The following JAK1 variants were observed in gnomAD, a reference collection of about 807,000 sequenced individuals.
JAK1 encodes Janus kinase 1.
JAK1 carries 16 observed loss-of-function variants against 136.6 expected under a neutral mutation model. The ratio of observed to expected loss-of-function variants is 0.12; its 90% CI spans 0.08 to 0.18. The LOEUF is 0.18. JAK1 is among the 10% of genes least tolerant of loss of function. The probability of loss-of-function intolerance (pLI) is 1.00; values close to 1 mark genes in which losing one functional copy is unlikely to be tolerated. For synonymous variants in JAK1, 492 were observed against 519.5 expected, an observed-to-expected ratio of 0.95 and a Z score of 0.72; for missense variants, 859 against 1,450.1, an observed-to-expected ratio of 0.59 and a Z score of 6.62.
In JAK1 at chr1:64,869,457, C is replaced by T. The variant is rs1557650320; in HGVS notation, c.501G>A (p.Val167=). The T allele has an allele frequency of 6.2e-7, 1 of 1,613,998 alleles. No individual in the cohort carries two copies. Among genetic ancestry groups the T allele is most frequent in the Admixed American group, 1.7e-5 (1 of 60,012 alleles). Residue 167 remains valine (V), a synonymous_variant, in exon 6 of 25, where the codon GTG becomes GTA. Transcript: ENST00000342505. ...YLFAQGQYDL[V]KCLAPIRDPK... Reference sequence around the variant, plus strand: ...GGTCTCGAATAGGAGCCAGGCATTTCACCAAATCATACTGTCCCTAGGAGC... The same window carrying T: ...GGTCTCGAATAGGAGCCAGGCATTTTACCAAATCATACTGTCCCTAGGAGC...
At chr1:65,008,299 C>T (rs1304340266) in intron 2 of JAK1, among the ~76,000 whole-genome samples, 1 of 152,150 alleles carries the variant, frequency 6.6e-6, no homozygotes, top group East Asian at 1.9e-4. Flanking sequence ...GTCCTAGTAA[C>T]ATTGAGTAGG....
chr1:64,935,266 T>C (rs964603084), intron 1 of JAK1, among the ~76,000 whole-genome samples: 1 of 152,170 alleles, frequency 6.6e-6, no homozygotes, highest in Non-Finnish European at 1.5e-5. Context: ...CCTCTACCCA[T>C]CAGCAGATGA....
chr1:64,867,310 GA>G, intron 6 of JAK1, 102 bp from the exon 7 acceptor site: 1 of 802,390 alleles, frequency 1.2e-6, no homozygotes, highest in South Asian at 1.8e-5. Context: ...TGCCAAATGG[GA>G]AAGGGAGATC....
intron 4 of JAK1, among the ~76,000 whole-genome samples, chr1:64,877,740 T>C (rs544508927): frequency 5.3e-5 from 8 of 152,236 alleles, no homozygotes; most frequent in Admixed American, 4.6e-4. Flanking sequence ...CCCAGGGACA[T>C]ACCCCTTCCA....
intron 2 of JAK1, among the ~76,000 whole-genome samples, chr1:65,010,483 T>C (rs747109135): frequency 1.2e-4 from 19 of 152,196 alleles, no homozygotes; most frequent in South Asian, 6.2e-4. Flanking sequence ...GTGGGTGAGC[T>C]TGGAAGTTGA....
intron 1 of JAK1, among the ~76,000 whole-genome samples, chr1:64,905,552 C>G (rs1309934762): frequency 6.6e-6 from 1 of 151,954 alleles, no homozygotes; most frequent in East Asian, 1.9e-4. Context: ...ACAGTAGGCC[C>G]CCTGTAAAAT....
At chr1:64,872,889 T>C (rs1570679898) in intron 5 of JAK1, among the ~76,000 whole-genome samples, 2 of 152,202 alleles carry the variant, frequency 1.3e-5, no homozygotes, top group African/African-American at 4.8e-5. Flanking sequence ...TCAGAGTAAA[T>C]GTAATTTCAG....
intron 19 of JAK1, among the ~76,000 whole-genome samples, chr1:64,840,845 A>G (rs796694882): frequency 1.1e-4 from 17 of 152,190 alleles, no homozygotes; most frequent in African/African-American, 3.9e-4. Context: ...GGGCAAAAGA[A>G]AAAGAGAGAA....
chr1:64,853,443 T>C, intron 11 of JAK1, among the ~76,000 whole-genome samples: 1 of 152,206 alleles, frequency 6.6e-6, no homozygotes. Flanking sequence ...CTAAGTGATC[T>C]TGGGCATGTA....
chr1:64,971,715 T>C (rs751289623), intron 2 of JAK1, among the ~76,000 whole-genome samples: 13 of 152,174 alleles, frequency 8.5e-5, no homozygotes, highest in Non-Finnish European at 1.8e-4. Context: ...CGTGCCAACA[T>C]GCCTAGCTAA....
intron 24 of JAK1, 27 bp from the exon 25 acceptor site, chr1:64,834,684 T>C (rs745448911): frequency 7.1e-7 from 1 of 1,408,438 alleles, no homozygotes; most frequent in Non-Finnish European, 1.0e-6. Flanking sequence ...GTAACAACAG[T>C]AAAAATGTTA....
Position 64,841,448 on chromosome 1 carries a change from T to TA in JAK1, c.2554+2dup, listed in dbSNP as rs760851065. On this transcript the variant is annotated splice_region_variant and intron_variant, in intron 18 of 24. Transcript: ENST00000342505. ...GGTTAAAGCAGCACATGGCAGGTCT[T>TA]ACTCTGCTCTTCAAGCTTATTAATG... 1 of 1,614,214 alleles carries TA rather than the reference T, an allele frequency of 6.2e-7. No homozygotes were observed. The highest frequency in any genetic ancestry group is 8.5e-7 in the Non-Finnish European group (1 of 1,180,028).
intron 1 of JAK1, among the ~76,000 whole-genome samples, chr1:65,065,143 C>A (rs1195555287): frequency 6.6e-6 from 1 of 152,152 alleles, no homozygotes; most frequent in Non-Finnish European, 1.5e-5. Context: ...CTATTTTGAG[C>A]CTTCTTCCTG....
intron 2 of JAK1, among the ~76,000 whole-genome samples, chr1:65,018,479 AG>A (rs1238708670): frequency 1.4e-5 from 2 of 141,726 alleles, no homozygotes; most frequent in Admixed American, 7.4e-5. Context: ...AGAGAGAGAG[AG>A]AGAGAGAACA....
At chr1:64,878,563 A>ATG (rs1266355434) in intron 4 of JAK1, among the ~76,000 whole-genome samples, 1,108 of 10,536 alleles carry the variant, frequency 0.11, 3 homozygotes, top group Non-Finnish European at 0.15. Context: ...TATAGTGTGT[A>ATG]TATATATATA....
At chr1:65,053,950 T>A (rs1647408114) in intron 1 of JAK1, among the ~76,000 whole-genome samples, 1 of 152,204 alleles carries the variant, frequency 6.6e-6, no homozygotes, top group African/African-American at 2.4e-5. Flanking sequence ...GAACAACAGC[T>A]AGCTGTCTGC....
upstream of JAK1, among the ~76,000 whole-genome samples, chr1:64,966,924 A>G (rs1020214834): frequency 1.3e-5 from 2 of 152,030 alleles, no homozygotes; most frequent in Admixed American, 6.6e-5. Context: ...TCCTCCGTAT[A>G]CGCTCCGCTT....
intron 10 of JAK1, among the ~76,000 whole-genome samples, chr1:64,857,296 T>G (rs1235982340): frequency 1.3e-5 from 2 of 152,226 alleles, no homozygotes; most frequent in African/African-American, 2.4e-5. Context: ...GGGTCTGAGA[T>G]GATGGTGGCA....
At chr1:65,053,481 A>G (rs1258496260) in intron 1 of JAK1, among the ~76,000 whole-genome samples, 1 of 152,252 alleles carries the variant, frequency 6.6e-6, no homozygotes, top group African/African-American at 2.4e-5. Context: ...TTAAAGGAAA[A>G]AAATCTCTGA....
Sources: gnomAD v4.1 joint callset for allele counts (sites outside exome capture counted in the v4.1 genomes callset) on GRCh38, gnomAD v4.1.1 for gene constraint, MANE v1.5 for transcripts, NCBI Gene and HGNC (gene_info 2026-07-23, HGNC 2026-07-21) for gene names.